The following MYO3B variants were observed in gnomAD, a reference collection of about 807,000 sequenced individuals.
MYO3B encodes the protein myosin IIIB, also known as myosin-IIIb.
Under a neutral mutation model 174.6 loss-of-function variants are expected in MYO3B, and 156 were observed. The observed-to-expected ratio is 0.89, with a 90% confidence interval of 0.78 to 1.02. The LOEUF is 1.02. Ranked by LOEUF, MYO3B falls within the 50% of genes least tolerant of loss-of-function variation. The pLI, the probability that MYO3B is intolerant of heterozygous loss-of-function variation, is 0.00. For missense variants in MYO3B, 1,632 were observed against 1,639.4 expected, an observed-to-expected ratio of 1.00 and a Z score of 0.08; for synonymous variants, 563 against 569.1, an observed-to-expected ratio of 0.99 and a Z score of 0.15.
intron 32 of MYO3B, among the ~76,000 whole-genome samples, chr2:170,632,701 T>G (rs1455734795): frequency 1.3e-5 from 2 of 152,062 alleles, no homozygotes; most frequent in Non-Finnish European, 2.9e-5. Context: ...AGGAGCTGGT[T>G]TTTTGAAAAG....
At chr2:170,228,348 G>T (rs1459868011) in intron 6 of MYO3B, among the ~76,000 whole-genome samples, 1 of 152,174 alleles carries the variant, frequency 6.6e-6, no homozygotes, top group Non-Finnish European at 1.5e-5. Context: ...GAAGGGGGTT[G>T]AATGAGTGAA....
At chr2:170,482,184 C>T (rs1685736024) in intron 25 of MYO3B, among the ~76,000 whole-genome samples, 2 of 149,426 alleles carry the variant, frequency 1.3e-5, no homozygotes. Context: ...GAGACAGGGT[C>T]TCACTCTGTC....
At chr2:170,512,735 A>G (rs994865375) in intron 28 of MYO3B, among the ~76,000 whole-genome samples, 1 of 152,272 alleles carries the variant, frequency 6.6e-6, no homozygotes, top group East Asian at 1.9e-4. Flanking sequence ...TAAAGGGGGA[A>G]AAAAAAGGAG....
At chr2:170,573,237 A>G (rs1692563409) in intron 32 of MYO3B, among the ~76,000 whole-genome samples, 1 of 142,736 alleles carries the variant, frequency 7.0e-6, no homozygotes. Flanking sequence ...GTATATATAT[A>G]TATATATATA....
intron 22 of MYO3B, among the ~76,000 whole-genome samples, chr2:170,417,357 A>G (rs1172093018): frequency 6.6e-6 from 1 of 152,192 alleles, no homozygotes; most frequent in Non-Finnish European, 1.5e-5. Flanking sequence ...TTGCTACTGT[A>G]TATCCTTGAC....
chr2:170,605,420 A>G (rs545910019), intron 32 of MYO3B, among the ~76,000 whole-genome samples: 1 of 152,330 alleles, frequency 6.6e-6, no homozygotes, highest in South Asian at 2.1e-4. Context: ...TCTGGATTTC[A>G]GACACACACA....
At chr2:170,383,255 G>A in intron 11 of MYO3B, 66 bp downstream of exon 11, 1 of 976,314 alleles carries the variant, frequency 1.0e-6, no homozygotes, top group South Asian at 1.4e-5. Flanking sequence ...GGCAAATGAA[G>A]AGAAAGAAAA....
intron 32 of MYO3B, among the ~76,000 whole-genome samples, chr2:170,610,278 T>A (rs1056461399): frequency 6.6e-6 from 1 of 151,960 alleles, no homozygotes; most frequent in Non-Finnish European, 1.5e-5. Flanking sequence ...AGGGTGGAGC[T>A]TGCAGTGAGC....
Position 170,623,666 on chromosome 2 carries a change from G to T in MYO3B, c.3734-27962G>T, listed in dbSNP as rs191560558. On this transcript the variant is annotated intron_variant, in intron 32 of 34. Transcript: ENST00000408978. ...CTTTGCCCATGCCTCTATCCTGAAT[G>T]GTATTGCCTAGGTTTTCTTCTAGAG... Among the ~76,000 whole-genome samples the T allele has an allele frequency of 2.3e-3, 350 of 152,258 alleles. 2 individuals carry two copies. Among genetic ancestry groups the T allele is most frequent in the Non-Finnish European group, 4.0e-3 (270 of 68,026 alleles).
At chr2:170,635,867 CATGT>C (rs1296279034) in intron 32 of MYO3B, among the ~76,000 whole-genome samples, 1 of 152,080 alleles carries the variant, frequency 6.6e-6, no homozygotes, top group Non-Finnish European at 1.5e-5. Flanking sequence ...TTCGTAACCA[CATGT>C]ATGTAATATG....
chr2:170,252,131 G>A (rs2093260078), intron 7 of MYO3B, among the ~76,000 whole-genome samples: 1 of 152,228 alleles, frequency 6.6e-6, no homozygotes, highest in African/African-American at 2.4e-5. Flanking sequence ...TTGCCTTGAT[G>A]ATAATGCACT....
At chr2:170,501,667 G>A in intron 27 of MYO3B, 118 bp from the exon 28 acceptor site, 1 of 651,466 alleles carries the variant, frequency 1.5e-6, no homozygotes, top group Non-Finnish European at 2.7e-6. Context: ...TTTGTTCAGT[G>A]AGAAAGCAGG....
chr2:170,532,248 G>A (rs532453866), intron 30 of MYO3B, among the ~76,000 whole-genome samples: 1 of 152,352 alleles, frequency 6.6e-6, no homozygotes, highest in South Asian at 2.1e-4. Context: ...TGACCGGCCT[G>A]TAGGCTCCAA....
intron 32 of MYO3B, among the ~76,000 whole-genome samples, chr2:170,624,860 G>A (rs931053022): frequency 2.0e-5 from 3 of 152,156 alleles, no homozygotes; most frequent in African/African-American, 7.2e-5. Context: ...TTATATGATG[G>A]ATTAAGTTTA....
chr2:170,218,544 A>G (rs1160038571), intron 6 of MYO3B, among the ~76,000 whole-genome samples: 1 of 152,228 alleles, frequency 6.6e-6, no homozygotes, highest in East Asian at 1.9e-4. Context: ...GTTTCAGGAC[A>G]CAATAGTATG....
chr2:170,297,607 G>A (rs545266609), intron 7 of MYO3B, among the ~76,000 whole-genome samples: 5 of 152,266 alleles, frequency 3.3e-5, no homozygotes, highest in African/African-American at 9.6e-5. Flanking sequence ...ATGTGATTGC[G>A]ATTATCCCCA....
intron 32 of MYO3B, among the ~76,000 whole-genome samples, chr2:170,650,747 G>A (rs112460853): frequency 0.017 from 2,183 of 131,056 alleles, 64 homozygotes; most frequent in African/African-American, 0.061. Flanking sequence ...GCAGTGGCAC[G>A]ATCTTGGCTC....
intron 23 of MYO3B, among the ~76,000 whole-genome samples, chr2:170,458,158 G>A (rs755699986): frequency 6.6e-6 from 1 of 152,138 alleles, no homozygotes; most frequent in East Asian, 1.9e-4. Context: ...GCTCTGCTTC[G>A]ATATGATTGG....
intron 7 of MYO3B, among the ~76,000 whole-genome samples, chr2:170,281,928 C>T (rs1046332370): frequency 2.6e-5 from 4 of 152,256 alleles, no homozygotes; most frequent in Non-Finnish European, 5.9e-5. Context: ...TCAGAAACTA[C>T]TACAAATACC....
Sources: allele counts gnomAD v4.1 joint callset (sites outside exome capture counted in the v4.1 genomes callset), GRCh38; gene constraint gnomAD v4.1.1; transcripts MANE v1.5; gene names NCBI Gene and HGNC (gene_info 2026-07-23, HGNC 2026-07-21).